ARHGAP42: variants seen among roughly 807,000 people sequenced by gnomAD.
ARHGAP42 encodes the protein Rho GTPase activating protein 42, also known as rho GTPase-activating protein 42.
Under a neutral mutation model 125.0 loss-of-function variants are expected in ARHGAP42, and 63 were observed. The ratio of observed to expected loss-of-function variants is 0.50; its 90% CI spans 0.41 to 0.62. The LOEUF is 0.62. Among genes scored for constraint, ARHGAP42 ranks in the 20% least tolerant of loss-of-function variants. The pLI is 0.00. For synonymous variants in ARHGAP42, 339 were observed against 351.0 expected (o/e 0.97, Z 0.38); for missense variants, 766 against 1,024.2 (o/e 0.75, Z 3.44).
At chr11:100,974,100 G>A (rs572773487) in intron 18 of ARHGAP42, among the ~76,000 whole-genome samples, 304 of 152,282 alleles carry the variant, frequency 2.0e-3, no homozygotes, top group Non-Finnish European at 3.1e-3. Context: ...GAGAAGCAAG[G>A]AGCCATTCAG....
chr11:100,691,614 CA>C (rs1861192416), intron 1 of ARHGAP42, among the ~76,000 whole-genome samples: 1 of 152,156 alleles, frequency 6.6e-6, no homozygotes, highest in Non-Finnish European at 1.5e-5. Context: ...CTCCCAGGCT[CA>C]GGTGATCCTC....
intron 7 of ARHGAP42, among the ~76,000 whole-genome samples, chr11:100,935,941 G>A (rs1867726387): frequency 6.6e-6 from 1 of 152,056 alleles, no homozygotes; most frequent in African/African-American, 2.4e-5. Flanking sequence ...AGACCAGCCT[G>A]GGAAACATGT....
chr11:100,933,628 G>T (rs997191531), intron 7 of ARHGAP42, among the ~76,000 whole-genome samples: 1 of 151,940 alleles, frequency 6.6e-6, no homozygotes, highest in Non-Finnish European at 1.5e-5. Context: ...TGGTAACTGT[G>T]GTGATTGATA....
chr11:100,982,433 G>A (rs1858568778), intron 22 of ARHGAP42, among the ~76,000 whole-genome samples: 1 of 152,194 alleles, frequency 6.6e-6, no homozygotes, highest in African/African-American at 2.4e-5. Flanking sequence ...TTATGTACAT[G>A]AAAGTTTGAG....
chr11:100,980,817 C>T (rs1445622798), intron 22 of ARHGAP42, among the ~76,000 whole-genome samples: 23 of 151,966 alleles, frequency 1.5e-4, no homozygotes, highest in African/African-American at 5.3e-4. Flanking sequence ...GTGATCCACC[C>T]GCCTCAGCCT....
intron 4 of ARHGAP42, among the ~76,000 whole-genome samples, chr11:100,901,642 G>C (rs537027222): frequency 5.9e-5 from 9 of 152,308 alleles, no homozygotes; most frequent in African/African-American, 1.9e-4. Context: ...CCCCCAGCCA[G>C]GCTGCCACCT....
chr11:100,953,701 G>A (rs554488803), intron 12 of ARHGAP42, among the ~76,000 whole-genome samples: 1 of 152,220 alleles, frequency 6.6e-6, no homozygotes, highest in African/African-American at 2.4e-5. Flanking sequence ...ACTTGAAAAG[G>A]AAAGCTTGAA....
intron 3 of ARHGAP42, among the ~76,000 whole-genome samples, chr11:100,849,127 C>T (rs1865141754): frequency 6.6e-6 from 1 of 152,154 alleles, no homozygotes; most frequent in South Asian, 2.1e-4. Flanking sequence ...ATTGTATTTT[C>T]TGTTGGAACA....
chr11:100,726,677 G>A (rs537609688), intron 1 of ARHGAP42, among the ~76,000 whole-genome samples: 2 of 152,240 alleles, frequency 1.3e-5, no homozygotes, highest in Admixed American at 1.3e-4. Context: ...AATTTACATG[G>A]AGCACTACCA....
At chr11:100,839,326 G>A (rs1423658339) in intron 3 of ARHGAP42, 1 of 152,078 alleles carries the variant, frequency 6.6e-6, no homozygotes, top group Non-Finnish European at 1.5e-5. Flanking sequence ...AAAAAATAAT[G>A]ACCTGAACTT....
At chr11:100,901,074 G>C (rs1240368446) in intron 4 of ARHGAP42, among the ~76,000 whole-genome samples, 2 of 152,030 alleles carry the variant, frequency 1.3e-5, no homozygotes, top group Non-Finnish European at 2.9e-5. Flanking sequence ...ATGGGTTTTT[G>C]GTGTGGACAT....
intron 3 of ARHGAP42, among the ~76,000 whole-genome samples, chr11:100,836,602 G>C (rs1158182782): frequency 3.3e-5 from 5 of 151,788 alleles, no homozygotes; most frequent in Admixed American, 6.6e-5. Flanking sequence ...GTTATAAAAT[G>C]ATGACTGTAA....
In ARHGAP42 at chr11:100,758,843, C is replaced by G. The variant is rs1591157363; in HGVS notation, c.155-11500C>G. ...TAAGTAACCTAACTTGGCCACCTAGCAAAACAGAATTTAACTAGTAGTGAG... is the reference window on the plus strand; with the variant it reads ...TAAGTAACCTAACTTGGCCACCTAGGAAAACAGAATTTAACTAGTAGTGAG... On this transcript the variant is annotated intron_variant, in intron 1 of 23. Coordinates refer to ENST00000298815, the MANE Select transcript of ARHGAP42 (RefSeq NM_152432.4). 2.6e-5 allele frequency among the ~76,000 whole-genome samples: 4 copies of G among 152,034 alleles called. No individual in the cohort carries two copies. In the East Asian group the frequency reaches 7.7e-4, roughly 29 times the overall value.
chr11:100,744,343 T>A (rs2120351464), intron 1 of ARHGAP42, among the ~76,000 whole-genome samples: 1 of 152,342 alleles, frequency 6.6e-6, no homozygotes, highest in East Asian at 1.9e-4. Flanking sequence ...TCTCCTTGAG[T>A]AGCTTAGTAA....
chr11:100,903,709 A>AAAAAAAAAATATATATAT (rs1332890022), intron 4 of ARHGAP42, among the ~76,000 whole-genome samples: 3 of 63,516 alleles, frequency 4.7e-5, no homozygotes, highest in Non-Finnish European at 8.9e-5. Context: ...TGTCCCTCAA[A>AAAAAAAAAATATATATAT]ATATATATAT....
chr11:100,904,551 A>G (rs976902594), intron 4 of ARHGAP42, among the ~76,000 whole-genome samples: 3 of 150,368 alleles, frequency 2.0e-5, no homozygotes, highest in African/African-American at 7.3e-5. Flanking sequence ...CCGGACTCTC[A>G]TCCCCTCTTT....
chr11:100,884,945 C>A (rs1353990986), intron 4 of ARHGAP42, among the ~76,000 whole-genome samples: 1 of 152,172 alleles, frequency 6.6e-6, no homozygotes, highest in African/African-American at 2.4e-5. Flanking sequence ...CCTGCTCCCT[C>A]CTGACCGTAT....
At chr11:100,930,230 G>C (rs572496124) in intron 6 of ARHGAP42, among the ~76,000 whole-genome samples, 2 of 152,304 alleles carry the variant, frequency 1.3e-5, no homozygotes, top group South Asian at 2.1e-4. Flanking sequence ...ATTCACCAAA[G>C]AAAATGATAT....
intron 1 of ARHGAP42, among the ~76,000 whole-genome samples, chr11:100,724,757 C>A (rs1331412677): frequency 6.6e-6 from 1 of 151,478 alleles, no homozygotes; most frequent in Non-Finnish European, 1.5e-5. Flanking sequence ...AAGGAACCAG[C>A]TTTTGGTTTC....
Sources: allele counts gnomAD v4.1 joint callset (sites outside exome capture counted in the v4.1 genomes callset), GRCh38; gene constraint gnomAD v4.1.1; transcripts MANE v1.5; gene names NCBI Gene and HGNC (gene_info 2026-07-23, HGNC 2026-07-21).